The following COX7A2 variants were observed in gnomAD, a reference collection of about 807,000 sequenced individuals.
COX7A2 encodes cytochrome c oxidase subunit 7A2, also known as cytochrome c oxidase subunit 7A2, mitochondrial.
A neutral mutation model predicts 11.6 loss-of-function variants in COX7A2; 11 were observed. That is an observed-to-expected ratio of 0.95 (90% CI 0.60 to 1.57). The LOEUF (loss-of-function observed/expected upper bound fraction) is 1.57. COX7A2 is among the 40% of genes most tolerant of loss of function. The pLI, the probability that COX7A2 is intolerant of heterozygous loss-of-function variation, is 0.00. For missense variants in COX7A2, 106 were observed against 100.9 expected (o/e 1.05, Z -0.22); for synonymous variants, 30 against 38.2 (o/e 0.78, Z 0.79).
At chr6:75,246,742 T>C (rs1771688380), upstream of COX7A2, among the ~76,000 whole-genome samples, 1 of 152,214 alleles carries the variant, frequency 6.6e-6, no homozygotes, top group African/African-American at 2.4e-5. Flanking sequence ...TCCCTCCAAA[T>C]GTTTTCAGTC....
At chr6:75,243,610 T>C in intron 1 of COX7A2, 107 bp downstream of exon 1, 1 of 1,013,998 alleles carries the variant, frequency 9.9e-7, no homozygotes, top group Non-Finnish European at 1.5e-6. Flanking sequence ...GTGACTTCAT[T>C]AGCCGCCTTC....
At chr6:75,246,815 C>A (rs1771689370), upstream of COX7A2, among the ~76,000 whole-genome samples, 1 of 152,192 alleles carries the variant, frequency 6.6e-6, no homozygotes, top group Admixed American at 6.5e-5. Context: ...TCCTGACATA[C>A]AAATGACTGA....
chr6:75,245,556 G>C (rs184869159), upstream of COX7A2, among the ~76,000 whole-genome samples: 60 of 150,496 alleles, frequency 4.0e-4, no homozygotes, highest in Non-Finnish European at 7.8e-4. Context: ...ATTCTTGTAT[G>C]CATGTTATTC....
At chr6:75,246,820 G>C (rs533252374), upstream of COX7A2, among the ~76,000 whole-genome samples, 2 of 152,214 alleles carry the variant, frequency 1.3e-5, no homozygotes, top group South Asian at 4.1e-4. Context: ...ACATACAAAT[G>C]ACTGAAATTT....
chr6:75,242,997 CA>C (rs1260801328), intron 1 of COX7A2, among the ~76,000 whole-genome samples: 1 of 152,156 alleles, frequency 6.6e-6, no homozygotes, highest in Admixed American at 6.5e-5. Context: ...AAAGAAGAGA[CA>C]TGCACTACAT....
chr6:75,240,171 A>G (rs1191063509), intron 3 of COX7A2, 130 bp downstream of exon 3: 1 of 691,402 alleles, frequency 1.4e-6, no homozygotes, highest in African/African-American at 1.8e-5. Context: ...TCATTATGAG[A>G]TATAGTAAGA....
upstream of COX7A2, chr6:75,244,156 A>G (rs1771626823): frequency 8.5e-6 from 2 of 234,288 alleles, no homozygotes; most frequent in African/African-American, 2.3e-5. Flanking sequence ...CTGAACAAAG[A>G]CTGGGTTGGC....
At chr6:75,247,778 A>T (rs1389916990), upstream of COX7A2, among the ~76,000 whole-genome samples, 1 of 152,000 alleles carries the variant, frequency 6.6e-6, no homozygotes, top group Non-Finnish European at 1.5e-5. Context: ...GATGGGTTTT[A>T]TTTAACCCTG....
At chr6:75,241,133 T>A in intron 2 of COX7A2, 43 bp downstream of exon 2, 1 of 1,565,186 alleles carries the variant, frequency 6.4e-7, no homozygotes, top group Non-Finnish European at 8.7e-7. Context: ...CTTTTGGTAA[T>A]CTAATAATTA....
At chr6:75,238,498 AGGAGTTCGAGACCAGCCTCAACAT>A (rs1277127514) in intron 3 of COX7A2, among the ~76,000 whole-genome samples, 4 of 151,956 alleles carry the variant, frequency 2.6e-5, no homozygotes. Flanking sequence ...ACCTGAGGTC[AGGAGTTCGAGACCAGCCTCAACAT>A]GGAGAAACCC....
chr6:75,245,122 G>C (rs1461072203), upstream of COX7A2, among the ~76,000 whole-genome samples: 2 of 152,172 alleles, frequency 1.3e-5, no homozygotes, highest in Non-Finnish European at 2.9e-5. Flanking sequence ...CCCTAGCACT[G>C]CTAAAGACAG....
upstream of COX7A2, among the ~76,000 whole-genome samples, chr6:75,245,601 T>G (rs1467285589): frequency 2.0e-5 from 3 of 152,112 alleles, no homozygotes; most frequent in Non-Finnish European, 4.4e-5. Flanking sequence ...TCATTCCATC[T>G]ATTAACACAT....
chr6:75,243,691 T>C, intron 1 of COX7A2, 26 bp downstream of exon 1: 1 of 1,609,048 alleles, frequency 6.2e-7, no homozygotes, highest in Non-Finnish European at 8.5e-7. Flanking sequence ...GCCCCCATCA[T>C]GAATGCAAGA....
intron 2 of COX7A2, 172 bp from the exon 3 acceptor site, chr6:75,240,557 C>A (rs1771468348): frequency 8.1e-6 from 4 of 496,590 alleles, no homozygotes; most frequent in Non-Finnish European, 1.4e-5. Flanking sequence ...GTCTCTACTA[C>A]TACTACTTTT....
At chr6:75,240,958 C>A in intron 2 of COX7A2, 1 of 407,442 alleles carries the variant, frequency 2.5e-6, no homozygotes. Context: ...ACAAAAATCA[C>A]TCATAATCAA....
At chr6:75,239,773 C>T (rs1310409689) in intron 3 of COX7A2, among the ~76,000 whole-genome samples, 2 of 152,152 alleles carry the variant, frequency 1.3e-5, no homozygotes, top group Non-Finnish European at 2.9e-5. Context: ...TCTATCACAA[C>T]ATAATCATCA....
intron 1 of COX7A2, among the ~76,000 whole-genome samples, chr6:75,249,826 G>A (rs553556584): frequency 7.0e-4 from 107 of 152,282 alleles, no homozygotes; most frequent in African/African-American, 2.5e-3. Context: ...TTTCAAGATC[G>A]TTCTAGTAAT....
chr6:75,240,967 A>C, intron 2 of COX7A2: 1 of 448,464 alleles, frequency 2.2e-6, no homozygotes, highest in South Asian at 6.2e-5. Flanking sequence ...ACTCATAATC[A>C]AACTACTTAT....
intron 3 of COX7A2, among the ~76,000 whole-genome samples, chr6:75,239,510 A>G (rs1242322645): frequency 1.3e-5 from 2 of 152,218 alleles, no homozygotes; most frequent in African/African-American, 4.8e-5. Flanking sequence ...TGGCATTCCT[A>G]TGAATATGAT....
Sources: gnomAD v4.1 joint callset for allele counts (sites outside exome capture counted in the v4.1 genomes callset) on GRCh38, gnomAD v4.1.1 for gene constraint, MANE v1.5 for transcripts, NCBI Gene and HGNC (gene_info 2026-07-23, HGNC 2026-07-21) for gene names.